The following SHKBP1 variants were observed in gnomAD, a reference collection of about 807,000 sequenced individuals.
SHKBP1 encodes SH3KBP1-binding protein 1.
SHKBP1 carries 71 observed loss-of-function variants against 83.9 expected under a neutral mutation model. That is an observed-to-expected ratio of 0.85 (90% confidence interval 0.70 to 1.03). The LOEUF is 1.03. SHKBP1 is among the 50% of genes least tolerant of loss of function. The probability of loss-of-function intolerance (pLI) is 0.00; values close to 1 mark genes in which losing one functional copy is unlikely to be tolerated. For synonymous variants in SHKBP1, 371 were observed against 398.0 expected, an observed-to-expected ratio of 0.93 and a Z score of 0.81; for missense variants, 824 against 982.4, an observed-to-expected ratio of 0.84 and a Z score of 2.16.
chr19:40,579,830 G>A (rs766618976), intron 6 of SHKBP1, among the ~76,000 whole-genome samples: 6 of 151,980 alleles, frequency 3.9e-5, no homozygotes, highest in Non-Finnish European at 8.8e-5. Context: ...TCAGGAGTTC[G>A]AGACCAGCCT....
intron 12 of SHKBP1, among the ~76,000 whole-genome samples, chr19:40,586,047 G>A (rs1420168102): frequency 6.6e-6 from 1 of 152,002 alleles, no homozygotes; most frequent in African/African-American, 2.4e-5. Flanking sequence ...TGGGATCATA[G>A]GTGAATGCCA....
At chr19:40,589,552 TA>T (rs1182911127) in intron 15 of SHKBP1, among the ~76,000 whole-genome samples, 2 of 10,480 alleles carry the variant, frequency 1.9e-4, no homozygotes, top group South Asian at 3.0e-3. Context: ...TGGGGTGGGA[TA>T]GGGGGACCAG....
intron 13 of SHKBP1, 45 bp from the exon 14 acceptor site, chr19:40,588,579 A>ATGCC: frequency 6.2e-7 from 1 of 1,610,722 alleles, no homozygotes; most frequent in Non-Finnish European, 8.5e-7. Context: ...GGCAGCATTG[A>ATGCC]TGCCTGCACC....
chr19:40,584,478 C>T lies in SHKBP1; in HGVS notation c.1165+761C>T, dbSNP rs547628914. 4.6e-5 allele frequency among the ~76,000 whole-genome samples: 7 copies of T among 152,262 alleles called. No individual in the cohort carries two copies. The South Asian group carries it at 8.3e-4, about 18-fold the overall frequency. On this transcript the variant is annotated intron_variant, in intron 12 of 17. Coordinates refer to ENST00000291842, the MANE Select transcript of SHKBP1 (RefSeq NM_138392.4). ...TCCCATTTGAACGTGCACAATTCAG[C>T]GGATTTTAGTATATTCACAAGGTTG... is the stretch of plus-strand genomic sequence containing the variant.
intron 14 of SHKBP1, 97 bp from the exon 15 acceptor site, chr19:40,588,985 A>G: frequency 1.5e-6 from 2 of 1,370,014 alleles, no homozygotes; most frequent in Admixed American, 1.8e-5. Flanking sequence ...TGGGGATGGG[A>G]CTGGGGTCTT....
chr19:40,590,166 T>C lies in SHKBP1; in HGVS notation c.1590-78T>C. 1 of 1,432,764 alleles carries C rather than the reference T, an allele frequency of 7.0e-7. No homozygotes were observed. The highest frequency in any genetic ancestry group is 9.3e-7 in the Non-Finnish European group (1 of 1,080,440). The allele number at this position is 1,432,764 out of a possible 1,614,324, so 88.8% of individuals were successfully genotyped here. A position where few individuals can be genotyped will look rare whatever the true frequency, so the allele number is the denominator to read the frequency against. On this transcript the variant is annotated intron_variant, in intron 15 of 17. Transcript: ENST00000291842. This position sits in a 1 kb window ranked among gnomAD's most constrained non-coding sequence, Gnocchi z 4.6. ...GGATGGCCCCTGGAGAGGCAGGAACTGCAGCCACAGTGGTGGGGACTGGGA... is the reference window on the plus strand; with the variant it reads ...GGATGGCCCCTGGAGAGGCAGGAACCGCAGCCACAGTGGTGGGGACTGGGA...
At chr19:40,577,137 G>A (rs1167963172) in intron 1 of SHKBP1, 94 bp from the exon 2 acceptor site, 2 of 1,504,708 alleles carry the variant, frequency 1.3e-6, no homozygotes, top group African/African-American at 1.4e-5. Flanking sequence ...CCGGGGGAGG[G>A]GGAAGGGGAG....
chr19:40,585,951 G>T (rs10402698), intron 12 of SHKBP1: 35,057 of 152,322 alleles, frequency 0.23, 4,390 homozygotes, highest in East Asian at 0.38. Flanking sequence ...CGTCACCTAG[G>T]CTGGAGTGCA....
rs1202470498 is a variant in SHKBP1 at position 40,578,557 on chromosome 19, T to C, written c.400+15T>C. On this transcript the variant is annotated intron_variant, in intron 6 of 17. Transcript: ENST00000291842. ...GCCGCCACCAGGTAGGCACTCCCAA[T>C]GGAATGGAGGGGCGCGGAGGTGGGC... The C allele has an allele frequency of 1.2e-6, 2 of 1,601,538 alleles. No individual in the cohort carries two copies. The highest frequency in any genetic ancestry group is 1.7e-6 in the Non-Finnish European group (2 of 1,173,404).
chr19:40,577,206 G>C (rs769556323), intron 1 of SHKBP1, 25 bp from the exon 2 acceptor site: 7 of 1,612,360 alleles, frequency 4.3e-6, no homozygotes, highest in Non-Finnish European at 5.9e-6. Context: ...TTCATCTCTT[G>C]CGTCCGTTTA....
At position 40,576,949 on chromosome 19, in the gene SHKBP1, C is replaced by G; in HGVS notation, c.50C>G (p.Pro17Arg). The change falls in exon 1 of 18, where the codon CCC becomes CGC. Residue 17 changes from proline (P) to arginine (R), a missense_variant. By Grantham distance (103) the Pro-to-Arg change is moderately radical. Transcript: ENST00000291842. ...GAGGGGGTCCCCAGTCGGGGGCCTC[C>G]CGGGGAAGTCATTCATCTGAATGTG... is the stretch of plus-strand genomic sequence containing the variant. ...AAEGVPSRGP[P>R]GEVIHLNVGG... 6.7e-7 allele frequency: 1 copy of G among 1,502,628 alleles called. No homozygotes were observed. Among genetic ancestry groups the G allele is most frequent in the East Asian group, 2.5e-5 (1 of 40,680 alleles). 93.1% of individuals were successfully genotyped at this position (1,502,628 alleles called of 1,614,324 possible).
rs373624719 is a variant in SHKBP1, at chr19:40,582,433, C to T, written c.927C>T (p.Ile309=). 37 of 1,613,980 alleles carry T rather than the reference C, an allele frequency of 2.3e-5. No individual in the cohort carries two copies. In the South Asian group the frequency reaches 3.4e-4, roughly 15 times the overall value. ...QLIATSHTGR[I]GVWNAVTKHW... is the part of the protein sequence containing the mutation. ...TTGCTACAAGCCACACAGGGCGCAT[C>T]GGGGTGTGGAATGCCGTCACCAAGC... Residue 309 remains isoleucine (I), a synonymous_variant, in exon 10 of 18, where the codon ATC becomes ATT. Transcript: ENST00000291842.
At chr19:40,580,042 A>C (rs907397719) in intron 6 of SHKBP1, 14 of 270,256 alleles carry the variant, frequency 5.2e-5, no homozygotes, top group Non-Finnish European at 9.9e-5. Flanking sequence ...AAAAAAAAAA[A>C]AAAAAAAAAA....
chr19:40,588,893 T>G, intron 14 of SHKBP1, 114 bp downstream of exon 14: 1 of 1,432,874 alleles, frequency 7.0e-7, no homozygotes, highest in Non-Finnish European at 9.4e-7. Flanking sequence ...ACGATTGGGG[T>G]GTCCTGATCC....
At position 40,577,112 on chromosome 19, in the gene SHKBP1, G is replaced by A. The variant is rs1045096411; in HGVS notation, c.87-119G>A. 8.7e-6 allele frequency: 12 copies of A among 1,383,884 alleles called. No individual in the cohort carries two copies. The African/African-American group carries it at 1.3e-4, about 15-fold the overall frequency. 85.7% of individuals were successfully genotyped at this position (1,383,884 alleles called of 1,614,324 possible). Reference sequence around the variant, plus strand: ...GCCCCCCCCCCCTTTGGAGGCGCGAGATTCTGGAAAAACGCCGGGGGAGGG... The same window carrying A: ...GCCCCCCCCCCCTTTGGAGGCGCGAAATTCTGGAAAAACGCCGGGGGAGGG... On this transcript the variant is annotated intron_variant, in intron 1 of 17. Coordinates refer to ENST00000291842, the MANE Select transcript of SHKBP1 (RefSeq NM_138392.4).
Position 40,588,768 on chromosome 19 carries a change from G to A in SHKBP1, c.1481G>A (p.Gly494Asp). The A allele has an allele frequency of 6.2e-7, 1 of 1,613,348 alleles. No individual in the cohort carries two copies. The highest frequency in any genetic ancestry group is 8.5e-7 in the Non-Finnish European group (1 of 1,180,018). Residue 494 changes from glycine to aspartate, a missense_variant, in exon 14 of 18, where the codon GGC (glycine) becomes GAC (aspartate). Physicochemically the swap from Gly to Asp is moderately conservative, Grantham distance 94 (BLOSUM62 -1). This residue lies in a region of SHKBP1 where 287 missense variants were observed against 322.9 expected (regional missense o/e 0.89). Coordinates refer to ENST00000291842, the MANE Select transcript of SHKBP1 (RefSeq NM_138392.4). ...SADGHGGCSA[G>D]NDIGPYGERD... ...GATGGGCATGGCGGCTGCAGTGCTG[G>A]CAATGACATTGGTGCCTACTGGCTC...
At position 40,576,945 on chromosome 19, in the gene SHKBP1, C is replaced by A; in HGVS notation, c.46C>A (p.Pro16Thr). Residue 16 changes from proline to threonine, a missense_variant, in exon 1 of 18, where the codon CCT becomes ACT. By Grantham distance (38) the Pro-to-Thr change is conservative. Around this residue, in one of 3 missense-constraint regions of SHKBP1, gnomAD observed 355 missense variants for 386.4 expected, o/e 0.92. Coordinates refer to ENST00000291842, the MANE Select transcript of SHKBP1 (RefSeq NM_138392.4). ...TAAEGVPSRG[P>T]PGEVIHLNVG... ...AGCCGAGGGGGTCCCCAGTCGGGGG[C>A]CTCCCGGGGAAGTCATTCATCTGAA... 1.3e-6 allele frequency: 2 copies of A among 1,497,414 alleles called. No homozygotes were observed. Among genetic ancestry groups the A allele is most frequent in the South Asian group, 1.3e-5 (1 of 74,458 alleles). 92.8% of individuals were successfully genotyped at this position (1,497,414 alleles called of 1,614,324 possible).
At chr19:40,577,678 G>A (rs560565906) in intron 4 of SHKBP1, 48 bp downstream of exon 4, 2 of 1,596,386 alleles carry the variant, frequency 1.3e-6, no homozygotes, top group Non-Finnish European at 1.7e-6. Context: ...TTCAGTCCCT[G>A]AGGAGTTCTT....
intron 13 of SHKBP1, among the ~76,000 whole-genome samples, chr19:40,587,421 C>G (rs2081321445): frequency 6.6e-6 from 1 of 151,612 alleles, no homozygotes; most frequent in South Asian, 2.1e-4. Flanking sequence ...GAAACCCCAC[C>G]TCTACCAAAA....
Sources: gnomAD v4.1 joint callset for allele counts (sites outside exome capture counted in the v4.1 genomes callset) on GRCh38, gnomAD v4.1.1 for gene constraint, gnomAD v4.1.1 regional missense constraint, Gnocchi (gnomAD v3.1) non-coding constraint, MANE v1.5 for transcripts, NCBI Gene and HGNC (gene_info 2026-07-23, HGNC 2026-07-21) for gene names.